ERC2: variants seen among roughly 807,000 people sequenced by gnomAD.
ERC2 encodes the protein ELKS/RAB6-interacting/CAST family member 2.
ERC2 carries 42 observed loss-of-function variants against 114.8 expected under a neutral mutation model. The observed-to-expected ratio is 0.37, with a 90% CI of 0.29 to 0.47. The LOEUF (loss-of-function observed/expected upper bound fraction) is 0.47. Ranked by LOEUF, ERC2 falls within the 20% of genes least tolerant of loss-of-function variation. The probability of loss-of-function intolerance (pLI) is 0.99; values close to 1 mark genes in which losing one functional copy is unlikely to be tolerated. For synonymous variants in ERC2, 454 were observed against 425.5 expected (o/e 1.07, Z -0.82); for missense variants, 939 against 1,150.7 (o/e 0.82, Z 2.66).
intron 10 of ERC2, among the ~76,000 whole-genome samples, chr3:56,002,137 GTGGAGGC>G (rs1414629386): frequency 6.6e-6 from 1 of 152,162 alleles, no homozygotes; most frequent in Admixed American, 6.6e-5. Context: ...AGAATGGAGG[GTGGAGGC>G]TGAATCTAAC....
At chr3:56,214,079 T>C (rs986476218) in intron 3 of ERC2, among the ~76,000 whole-genome samples, 1 of 152,098 alleles carries the variant, frequency 6.6e-6, no homozygotes, top group Non-Finnish European at 1.5e-5. Flanking sequence ...AAACTGTAAA[T>C]TCTAAAACTC....
chr3:55,942,262 C>CTTT (rs1283943365), intron 13 of ERC2, among the ~76,000 whole-genome samples: 2 of 82,526 alleles, frequency 2.4e-5, no homozygotes, highest in African/African-American at 5.4e-5. Context: ...GTCTAAGGTC[C>CTTT]TTTCTTTTTT....
chr3:55,923,061 T>A (rs935552661), intron 13 of ERC2, among the ~76,000 whole-genome samples: 1 of 152,114 alleles, frequency 6.6e-6, no homozygotes, highest in Admixed American at 6.6e-5. Context: ...AGCAGGGACT[T>A]GAACAGATAT....
chr3:56,231,011 A>G (rs543078798), intron 3 of ERC2, among the ~76,000 whole-genome samples: 17 of 152,354 alleles, frequency 1.1e-4, no homozygotes, highest in Non-Finnish European at 1.0e-4. Context: ...CAATCCTCAC[A>G]ATAACCCTAA....
At chr3:56,059,097 AT>A (rs11303876) in intron 7 of ERC2, among the ~76,000 whole-genome samples, 94,966 of 147,230 alleles carry the variant, frequency 0.65, 31,332 homozygotes, top group East Asian at 0.74. Flanking sequence ...TATTTTTTTT[AT>A]TTTTTTTTTT....
chr3:55,602,388 A>G (rs568222911), intron 17 of ERC2, among the ~76,000 whole-genome samples: 1 of 152,296 alleles, frequency 6.6e-6, no homozygotes, highest in South Asian at 2.1e-4. Context: ...TTTGCTCTCA[A>G]GGAGGAGACC....
chr3:56,001,556 A>ATTTC (rs2072063151), intron 10 of ERC2, among the ~76,000 whole-genome samples: 1 of 152,122 alleles, frequency 6.6e-6, no homozygotes, highest in African/African-American at 2.4e-5. Flanking sequence ...AGTCACTGAA[A>ATTTC]AGACTGAAAA....
intron 2 of ERC2, among the ~76,000 whole-genome samples, chr3:56,304,191 A>T (rs1017044672): frequency 3.9e-5 from 6 of 152,212 alleles, no homozygotes; most frequent in Non-Finnish European, 8.8e-5. Context: ...AAACTAGTGA[A>T]CAAAGACACA....
chr3:55,911,514 C>T (rs531980584), intron 13 of ERC2, among the ~76,000 whole-genome samples: 1 of 152,302 alleles, frequency 6.6e-6, no homozygotes, highest in East Asian at 1.9e-4. Flanking sequence ...TATATGTCTC[C>T]TATAATATCA....
At chr3:56,086,838 T>G (rs1224502345) in intron 6 of ERC2, among the ~76,000 whole-genome samples, 1 of 152,152 alleles carries the variant, frequency 6.6e-6, no homozygotes. Context: ...TAGATTATAC[T>G]CCAACATCAG....
At chr3:55,595,424 C>T (rs1340771701) in intron 17 of ERC2, among the ~76,000 whole-genome samples, 1 of 152,194 alleles carries the variant, frequency 6.6e-6, no homozygotes, top group Non-Finnish European at 1.5e-5. Context: ...AGATTCTATT[C>T]CCATCCCTTA....
intron 2 of ERC2, among the ~76,000 whole-genome samples, chr3:56,377,187 T>A (rs1349196437): frequency 2.0e-5 from 3 of 152,178 alleles, no homozygotes; most frequent in Non-Finnish European, 4.4e-5. Context: ...GTCAAGTGAG[T>A]AAAATATACC....
chr3:56,183,079 G>A (rs2150048298), intron 3 of ERC2, among the ~76,000 whole-genome samples: 1 of 152,108 alleles, frequency 6.6e-6, no homozygotes, highest in African/African-American at 2.4e-5. Flanking sequence ...TAAATTAATA[G>A]ACAGTTACAC....
chr3:56,150,628 T>C (rs1228372221), intron 4 of ERC2, among the ~76,000 whole-genome samples: 1 of 152,172 alleles, frequency 6.6e-6, no homozygotes. Flanking sequence ...ATAAAAGCAA[T>C]ATACTTTGAA....
intron 17 of ERC2, among the ~76,000 whole-genome samples, chr3:55,681,488 A>T (rs1183811162): frequency 6.6e-6 from 1 of 152,208 alleles, no homozygotes; most frequent in African/African-American, 2.4e-5. Flanking sequence ...CTAAGGCCTC[A>T]TGGATTGTAA....
At chr3:56,354,032 G>A (rs1285770481) in intron 2 of ERC2, among the ~76,000 whole-genome samples, 3 of 152,132 alleles carry the variant, frequency 2.0e-5, no homozygotes, top group African/African-American at 7.2e-5. Context: ...GCAGGAATCA[G>A]GCAGCCTGAC....
intron 2 of ERC2, among the ~76,000 whole-genome samples, chr3:56,398,013 T>C (rs1470070319): frequency 6.6e-6 from 1 of 152,206 alleles, no homozygotes. Context: ...TGGCCCTATC[T>C]GAGTTATATG....
intron 7 of ERC2, among the ~76,000 whole-genome samples, chr3:56,058,449 T>C (rs1057336499): frequency 6.6e-6 from 1 of 152,316 alleles, no homozygotes; most frequent in South Asian, 2.1e-4. Flanking sequence ...AAAGACGAAG[T>C]CTCTCAGTCC....
At chr3:55,733,526 A>AC (rs2065412249) in intron 15 of ERC2, among the ~76,000 whole-genome samples, 1 of 30,822 alleles carries the variant, frequency 3.2e-5, no homozygotes, top group Admixed American at 3.4e-4. Context: ...TCTGTCTCTC[A>AC]TTCTTTCTCT....
Sources: gnomAD v4.1 joint callset for allele counts (sites outside exome capture counted in the v4.1 genomes callset) on GRCh38, gnomAD v4.1.1 for gene constraint, MANE v1.5 for transcripts, NCBI Gene and HGNC (gene_info 2026-07-23, HGNC 2026-07-21) for gene names.